PCSK5: variants seen among roughly 807,000 people sequenced by gnomAD.
The protein encoded by PCSK5 is prohormone convertase 5.
A neutral mutation model predicts 233.2 loss-of-function variants in PCSK5; 129 were observed. The observed-to-expected ratio is 0.55, with a 90% CI of 0.48 to 0.64. PCSK5 has a LOEUF of 0.64. PCSK5 is among the 30% of genes least tolerant of loss of function. The probability of loss-of-function intolerance (pLI) is 0.00; values close to 1 mark genes in which losing one functional copy is unlikely to be tolerated. For missense variants in PCSK5, 2,076 were observed against 2,430.1 expected (o/e 0.85, Z 3.06); for synonymous variants, 825 against 879.2 (o/e 0.94, Z 1.09).
intron 32 of PCSK5, among the ~76,000 whole-genome samples, chr9:76,326,450 T>G (rs1244515080): frequency 6.6e-6 from 1 of 152,018 alleles, no homozygotes; most frequent in East Asian, 1.9e-4. Context: ...TTTGGATCCA[T>G]TCCAATCACC....
intron 2 of PCSK5, among the ~76,000 whole-genome samples, chr9:75,977,744 G>A (rs1485503818): frequency 4.6e-5 from 7 of 151,486 alleles, no homozygotes; most frequent in Non-Finnish European, 4.4e-5. Context: ...CCAAGTAGCT[G>A]GGATTACAGG....
At chr9:76,057,151 G>A (rs1318055010) in intron 5 of PCSK5, among the ~76,000 whole-genome samples, 1 of 152,094 alleles carries the variant, frequency 6.6e-6, no homozygotes, top group Non-Finnish European at 1.5e-5. Context: ...TGGTCTCTGA[G>A]CAAAAACACA....
intron 37 of PCSK5, among the ~76,000 whole-genome samples, chr9:76,355,578 C>T (rs1245358954): frequency 6.6e-6 from 1 of 152,186 alleles, no homozygotes; most frequent in Non-Finnish European, 1.5e-5. Flanking sequence ...CATTCACTGA[C>T]AAAAAGCGAT....
chr9:76,245,009 G>A (rs1039195816), intron 24 of PCSK5, among the ~76,000 whole-genome samples: 1 of 152,164 alleles, frequency 6.6e-6, no homozygotes, highest in Admixed American at 6.5e-5. Context: ...TTCACTAGCT[G>A]AGGATAGAAG....
intron 24 of PCSK5, among the ~76,000 whole-genome samples, chr9:76,267,651 T>C (rs1410007881): frequency 1.3e-5 from 2 of 152,148 alleles, no homozygotes; most frequent in Admixed American, 1.3e-4. Flanking sequence ...CAAGACATAA[T>C]ATCTCAGTGG....
intron 1 of PCSK5, among the ~76,000 whole-genome samples, chr9:75,899,398 G>A (rs140969550): frequency 6.6e-6 from 1 of 152,130 alleles, no homozygotes; most frequent in African/African-American, 2.4e-5. Flanking sequence ...CTGAAATCTA[G>A]TCTCTTAGCA....
At chr9:76,348,734 A>C (rs1830040830) in intron 35 of PCSK5, among the ~76,000 whole-genome samples, 1 of 152,172 alleles carries the variant, frequency 6.6e-6, no homozygotes, top group Non-Finnish European at 1.5e-5. Flanking sequence ...AATAGATCTC[A>C]AAAACATGTT....
chr9:76,107,219 C>T (rs1400113145), intron 8 of PCSK5, 32 bp from the exon 9 acceptor site: 1 of 1,470,364 alleles, frequency 6.8e-7, no homozygotes, highest in Admixed American at 1.8e-5. Flanking sequence ...ACATTGGCCT[C>T]AGAAATCTAA....
chr9:76,120,432 A>C (rs1418989742), intron 9 of PCSK5, among the ~76,000 whole-genome samples: 5 of 152,086 alleles, frequency 3.3e-5, no homozygotes, highest in Non-Finnish European at 5.9e-5. Context: ...CTTCTTTACA[A>C]GTTTTCCCAA....
In PCSK5 at chr9:76,189,639, T is replaced by A. The variant is rs1171840185; in HGVS notation, c.2519T>A (p.Ile840Asn). The A allele has an allele frequency of 2.5e-6, 4 of 1,604,876 alleles. No homozygotes were observed. The highest frequency in any genetic ancestry group is 2.7e-5 in the African/African-American group (2 of 74,730). ...NGYKSCKKCDISCLTCNGPGF... is the reference protein window; with the variant it reads ...NGYKSCKKCDNSCLTCNGPGF... ...GTACATTTTTCTCATAGATGTGATA[T>A]CAGTTGTTTGACGTGCAATGGCCCA... The change falls in exon 20 of 38, where the codon ATC (isoleucine) becomes AAC (asparagine). Residue 840 changes from isoleucine (I) to asparagine (N), a missense_variant. Coordinates refer to ENST00000674117, the MANE Select transcript of PCSK5 (RefSeq NM_001372043.1).
intron 29 of PCSK5, 62 bp from the exon 30 acceptor site, chr9:76,310,594 T>C (rs1388644824): frequency 2.7e-6 from 3 of 1,120,632 alleles, no homozygotes; most frequent in Non-Finnish European, 3.6e-6. Context: ...AAAAAAGCCA[T>C]GTCTCTGCAT....
rs989590744 is a variant in PCSK5 at position 76,227,379 on chromosome 9, C to A, written c.2627-124C>A. ...ACTAGCAGCTGAAGCCATTCAGGGC[C>A]TCTCCTCTCTGTGTTGTCTGCATTG... is the stretch of plus-strand genomic sequence containing the variant. On this transcript the variant is annotated intron_variant, in intron 20 of 37. Transcript: ENST00000674117. 4 of 669,094 alleles carry A rather than the reference C, an allele frequency of 6.0e-6. No individual in the cohort carries two copies. In the Admixed American group the frequency reaches 9.1e-5, roughly 15 times the overall value. The allele number at this position is 669,094 out of a possible 1,614,324, so 41.4% of individuals were successfully genotyped here.
At chr9:76,093,039 T>G (rs1405651064) in intron 7 of PCSK5, among the ~76,000 whole-genome samples, 4 of 151,460 alleles carry the variant, frequency 2.6e-5, no homozygotes, top group African/African-American at 9.7e-5. Flanking sequence ...TGGAAATGTA[T>G]GCATATAGAC....
chr9:75,931,157 A>G (rs1374558999), intron 1 of PCSK5, among the ~76,000 whole-genome samples: 1 of 152,188 alleles, frequency 6.6e-6, no homozygotes, highest in African/African-American at 2.4e-5. Flanking sequence ...TAAATAGCAC[A>G]GAAATTGAGT....
intron 9 of PCSK5, among the ~76,000 whole-genome samples, chr9:76,110,118 T>C (rs1034153216): frequency 2.6e-5 from 4 of 152,020 alleles, no homozygotes; most frequent in East Asian, 1.9e-4. Flanking sequence ...CTAACACAAG[T>C]TGAGGAGCAA....
chr9:76,264,111 T>A (rs778074221), intron 24 of PCSK5, among the ~76,000 whole-genome samples: 1 of 152,112 alleles, frequency 6.6e-6, no homozygotes, highest in Non-Finnish European at 1.5e-5. Context: ...GAAACAAACA[T>A]ATGGATCAAT....
At chr9:76,085,121 C>T (rs945364682) in intron 7 of PCSK5, among the ~76,000 whole-genome samples, 1 of 152,172 alleles carries the variant, frequency 6.6e-6, no homozygotes, top group Non-Finnish European at 1.5e-5. Context: ...GCGATAGCAG[C>T]TCCTGTCGAG....
At chr9:76,123,338 G>GA (rs981695039) in intron 9 of PCSK5, among the ~76,000 whole-genome samples, 4 of 151,952 alleles carry the variant, frequency 2.6e-5, no homozygotes, top group African/African-American at 4.8e-5. Context: ...TTGTGCAGGG[G>GA]AAAAAATCTA....
rs959990454 is a variant in PCSK5 at position 76,358,892 on chromosome 9, T to C, written c.5634T>C (p.Tyr1878=). The change falls in exon 38 of 38, where the codon TAT becomes TAC. Residue 1878 remains tyrosine, a synonymous_variant. Transcript: ENST00000674117. ...ACGATGACATAGATGAGCTGGAATA[T>C]GATGACGAGAGTTACTCCTACTACC... ...LDDDDIDELE[Y]DDESYSYYQ is the part of the protein sequence containing the mutation. 2 of 1,612,848 alleles carry C rather than the reference T, an allele frequency of 1.2e-6. No homozygotes were observed. Among genetic ancestry groups the C allele is most frequent in the East Asian group, 4.5e-5 (2 of 44,882 alleles).
Sources: allele counts gnomAD v4.1 joint callset (sites outside exome capture counted in the v4.1 genomes callset), GRCh38; gene constraint gnomAD v4.1.1; transcripts MANE v1.5; gene names NCBI Gene and HGNC (gene_info 2026-07-23, HGNC 2026-07-21).